The following DTYMK variants were observed in gnomAD, a reference collection of about 807,000 sequenced individuals.
DTYMK encodes the protein thymidylate kinase.
Under a neutral mutation model 20.3 loss-of-function variants are expected in DTYMK, and 20 were observed. That is an observed-to-expected ratio of 0.99 (90% CI 0.69 to 1.43). The LOEUF is 1.43. Among genes scored for constraint, DTYMK ranks in the 40% most tolerant of loss-of-function variants. The pLI is 0.00. For synonymous variants in DTYMK, 148 were observed against 124.4 expected (o/e 1.19, Z -1.27); for missense variants, 320 against 291.1 (o/e 1.10, Z -0.72).
intron 1 of DTYMK, 92 bp downstream of exon 1, chr2:241,686,562 A>T (rs1291127140): frequency 7.2e-7 from 1 of 1,387,206 alleles, no homozygotes; most frequent in Non-Finnish European, 9.3e-7. Context: ...AGTTCACAGC[A>T]CGCCAGCCGC....
chr2:241,686,739 G>A lies in DTYMK; in HGVS notation c.45C>T (p.Asp15=), dbSNP rs2069426155. 2 of 1,545,386 alleles carry A rather than the reference G, an allele frequency of 1.3e-6. No homozygotes were observed. The highest frequency in any genetic ancestry group is 2.5e-5 in the East Asian group (1 of 39,532). The change falls in exon 1 of 5, where the codon GAC becomes GAT. Residue 15 remains aspartate (D), a synonymous_variant. Coordinates refer to ENST00000305784, the MANE Select transcript of DTYMK (RefSeq NM_012145.4). The part of the protein sequence containing the change: ...RGALIVLEGV[D]RAGKSTQSRK... ...GGCTCTGCGTGCTCTTCCCGGCGCG[G>A]TCCACGCCCTCCAGCACTATGAGAG...
intron 2 of DTYMK, among the ~76,000 whole-genome samples, chr2:241,683,560 T>G (rs550922960): frequency 6.6e-6 from 1 of 152,170 alleles, no homozygotes; most frequent in African/African-American, 2.4e-5. Context: ...TCACAAAAAT[T>G]AATAGTCTTA....
chr2:241,681,337 T>G (rs2069252622), intron 2 of DTYMK, among the ~76,000 whole-genome samples: 1 of 152,130 alleles, frequency 6.6e-6, no homozygotes, highest in Non-Finnish European at 1.5e-5. Flanking sequence ...CAACTGGACA[T>G]CCTCATGAAA....
Position 241,686,651 on chromosome 2 carries a change from C to T in DTYMK, c.130+3G>A. 1 of 1,510,066 alleles carries T rather than the reference C, an allele frequency of 6.6e-7. No homozygotes were observed. The highest frequency in any genetic ancestry group is 8.8e-7 in the Non-Finnish European group (1 of 1,141,572). The allele number at this position is 1,510,066 out of a possible 1,614,324, so 93.5% of individuals were successfully genotyped here. A position where few individuals can be genotyped will look rare whatever the true frequency, so the allele number is the denominator to read the frequency against. On this transcript the variant is annotated splice_donor_region_variant and intron_variant, in intron 1 of 4. Coordinates refer to ENST00000305784, the MANE Select transcript of DTYMK (RefSeq NM_012145.4). ...CGGCGCACCCCCCGCCGCGCGCACC[C>T]ACCCGGGAACCGGAGCAGTTCGGCG...
chr2:241,680,762 T>C (rs1478557785), intron 2 of DTYMK, among the ~76,000 whole-genome samples: 1 of 152,160 alleles, frequency 6.6e-6, no homozygotes, highest in African/African-American at 2.4e-5. Context: ...ACCTTACTTT[T>C]AATCCAAAAA....
intron 3 of DTYMK, 28 bp from the exon 4 acceptor site, chr2:241,678,677 G>T: frequency 6.2e-7 from 1 of 1,611,394 alleles, no homozygotes; most frequent in Non-Finnish European, 8.5e-7. Flanking sequence ...AACAGTTAAA[G>T]CTTAGTGTAG....
At position 241,686,770 on chromosome 2, in the gene DTYMK, C is replaced by A. The variant is rs2069428437; in HGVS notation, c.14G>T (p.Arg5Leu). 4 of 1,460,836 alleles carry A rather than the reference C, an allele frequency of 2.7e-6. No homozygotes were observed. Among genetic ancestry groups the A allele is most frequent in the Admixed American group, 2.6e-5 (1 of 37,898 alleles). The allele number at this position is 1,460,836 out of a possible 1,614,324, so 90.5% of individuals were successfully genotyped here. The change falls in exon 1 of 5, where the codon CGC (arginine) becomes CTC (leucine). Residue 5 changes from arginine to leucine, a missense_variant. Coordinates refer to ENST00000305784, the MANE Select transcript of DTYMK (RefSeq NM_012145.4). MAARRGALIVLEGVD... is the reference protein window; with the variant it reads MAARLGALIVLEGVD... ...GCCCTCCAGCACTATGAGAGCCCCG[C>A]GCCGGGCCGCCATGACTGTCCACCG...
intron 2 of DTYMK, chr2:241,682,230 A>T (rs1232046922): frequency 8.8e-6 from 4 of 453,842 alleles, no homozygotes; most frequent in Admixed American, 2.4e-5. Context: ...AGTTGCAGCT[A>T]CTTGGGAGGC....
intron 4 of DTYMK, 55 bp downstream of exon 4, chr2:241,678,397 T>C: frequency 6.2e-7 from 1 of 1,607,988 alleles, no homozygotes; most frequent in Non-Finnish European, 8.5e-7. Flanking sequence ...GCCACCACGG[T>C]GTCATCCTGA....
intron 4 of DTYMK, among the ~76,000 whole-genome samples, chr2:241,677,535 A>C (rs1035416731): frequency 6.6e-6 from 1 of 152,262 alleles, no homozygotes; most frequent in Non-Finnish European, 1.5e-5. Flanking sequence ...CCGTGGCCAC[A>C]AGCGACAGTG....
At chr2:241,685,919 G>A (rs2069384624) in intron 1 of DTYMK, 42 bp from the exon 2 acceptor site, 1 of 1,586,906 alleles carries the variant, frequency 6.3e-7, no homozygotes, top group Non-Finnish European at 8.6e-7. Context: ...GTGAGATCAG[G>A]CTTTCCCTCT....
chr2:241,678,667 A>T lies in DTYMK; in HGVS notation c.331-18T>A. 6 of 1,613,748 alleles carry T rather than the reference A, an allele frequency of 3.7e-6. No individual in the cohort carries two copies. Among genetic ancestry groups the T allele is most frequent in the South Asian group, 1.1e-5 (1 of 91,058 alleles). ...GAAAAATTCTGCCAAGAAAGAACCC[A>T]ACAGTTAAAGCTTAGTGTAGTCTAG... On this transcript the variant is annotated intron_variant, in intron 3 of 4. Transcript: ENST00000305784.
intron 4 of DTYMK, among the ~76,000 whole-genome samples, chr2:241,677,643 G>A (rs1037568635): frequency 6.6e-6 from 1 of 152,236 alleles, no homozygotes; most frequent in African/African-American, 2.4e-5. Flanking sequence ...GAGAGGTAGG[G>A]GCTGCGGTCG....
chr2:241,681,029 C>T, intron 2 of DTYMK, among the ~76,000 whole-genome samples: 1 of 152,164 alleles, frequency 6.6e-6, no homozygotes, highest in East Asian at 1.9e-4. Flanking sequence ...CAGCAGGTGA[C>T]TCATCCATGC....
At chr2:241,685,661 G>A in intron 2 of DTYMK, 108 bp downstream of exon 2, 4 of 1,192,658 alleles carry the variant, frequency 3.4e-6, no homozygotes, top group Admixed American at 4.0e-5. Flanking sequence ...AAGAACATCA[G>A]GCCCAGCACT....
intron 3 of DTYMK, among the ~76,000 whole-genome samples, chr2:241,679,506 C>A (rs4675795): frequency 0.16 from 24,579 of 151,798 alleles, 2,349 homozygotes; most frequent in Non-Finnish European, 0.22. Flanking sequence ...CGGTGGCTCG[C>A]GCCTGTAATC....
chr2:241,678,728 TGA>T (rs2069175045), intron 3 of DTYMK, 79 bp from the exon 4 acceptor site: 2 of 1,515,402 alleles, frequency 1.3e-6, no homozygotes, highest in East Asian at 2.3e-5. Context: ...CAGGAAAAAA[TGA>T]GGGGACATTT....
At position 241,686,682 on chromosome 2, in the gene DTYMK, G is replaced by A. The variant is rs1320573350; in HGVS notation, c.102C>T (p.Gly34=). 2 of 1,530,222 alleles carry A rather than the reference G, an allele frequency of 1.3e-6. No homozygotes were observed. Among genetic ancestry groups the A allele is most frequent in the East Asian group, 2.6e-5 (1 of 38,792 alleles). The allele number at this position is 1,530,222 out of a possible 1,614,324, so 94.8% of individuals were successfully genotyped here. Residue 34 remains glycine (G), a synonymous_variant, in exon 1 of 5, where the codon GGC becomes GGT. Transcript: ENST00000305784. ...GGAACCGGAGCAGTTCGGCGCGGTG[G>A]CCCGCGGCGCACAGCGCTTCCACCA... ...RKLVEALCAA[G]HRAELLRFPE...
At chr2:241,677,528 T>A (rs2069144909) in intron 4 of DTYMK, among the ~76,000 whole-genome samples, 1 of 152,224 alleles carries the variant, frequency 6.6e-6, no homozygotes, top group African/African-American at 2.4e-5. Flanking sequence ...CCGCGGGCCG[T>A]GGCCACAAGC....
Sources: allele counts gnomAD v4.1 joint callset (sites outside exome capture counted in the v4.1 genomes callset), GRCh38; gene constraint gnomAD v4.1.1; transcripts MANE v1.5; gene names NCBI Gene and HGNC (gene_info 2026-07-23, HGNC 2026-07-21).